Variants in PMS1 observed in about 807,000 individuals in gnomAD.
The protein encoded by PMS1 is PMS1 homolog 1, mismatch repair system component, also known as PMS1 protein homolog 1.
PMS1 carries 79 observed loss-of-function variants against 93.1 expected under a neutral mutation model. The observed-to-expected ratio is 0.85, with a 90% CI of 0.71 to 1.02. The LOEUF is 1.02. Among genes scored for constraint, PMS1 ranks in the 50% least tolerant of loss-of-function variants. PMS1 has a pLI of 0.00. For missense variants in PMS1, 1,064 were observed against 1,085.3 expected, an observed-to-expected ratio of 0.98 and a Z score of 0.28; for synonymous variants, 335 against 363.4, an observed-to-expected ratio of 0.92 and a Z score of 0.89.
intron 5 of PMS1, among the ~76,000 whole-genome samples, chr2:189,836,758 T>C (rs2053415567): frequency 1.3e-5 from 2 of 152,214 alleles, no homozygotes; most frequent in African/African-American, 2.4e-5. Context: ...GCAATAAAAA[T>C]TGCCTAGTGT....
Position 189,867,907 on chromosome 2 carries a change from T to A in PMS1, c.2451T>A (p.Gly817=), listed in dbSNP as rs1478041297. The A allele has an allele frequency of 3.7e-6, 6 of 1,611,176 alleles. No individual in the cohort carries two copies. The Admixed American group carries it at 1.0e-4, about 27-fold the overall frequency. ...YLSDPRLTAN[G]FKIKLIPGVS... ...CTGATCCTCGTCTTACAGCGAATGGTTTCAAGATAAAATTGATACCAGGTA... is the reference window on the plus strand; with the variant it reads ...CTGATCCTCGTCTTACAGCGAATGGATTCAAGATAAAATTGATACCAGGTA... The change falls in exon 11 of 13, where the codon GGT becomes GGA. Residue 817 remains glycine, a synonymous_variant. Coordinates refer to ENST00000441310, the MANE Select transcript of PMS1 (RefSeq NM_000534.5).
intron 9 of PMS1, among the ~76,000 whole-genome samples, chr2:189,860,800 A>ATTTTTTTTT (rs1158514130): frequency 4.9e-5 from 2 of 41,028 alleles, no homozygotes; most frequent in Non-Finnish European, 9.3e-5. Flanking sequence ...TCTTTGAGGA[A>ATTTTTTTTT]TTTTTTTTTT....
At chr2:189,793,195 C>T (rs925501699) in intron 2 of PMS1, among the ~76,000 whole-genome samples, 1 of 152,142 alleles carries the variant, frequency 6.6e-6, no homozygotes, top group African/African-American at 2.4e-5. Context: ...GACTAGAATC[C>T]AGGTCTTTCT....
intron 3 of PMS1, among the ~76,000 whole-genome samples, chr2:189,798,757 A>ATTTTT (rs757864750): frequency 1.5e-4 from 12 of 79,906 alleles, no homozygotes; most frequent in East Asian, 1.2e-3. Flanking sequence ...TAAGTATTTG[A>ATTTTT]TTTTTTTTTT....
intron 4 of PMS1, among the ~76,000 whole-genome samples, chr2:189,812,613 G>A (rs562817908): frequency 2.6e-5 from 4 of 152,088 alleles, no homozygotes; most frequent in African/African-American, 7.2e-5. Context: ...AAAGTAAAAC[G>A]CATGACAAAA....
intron 12 of PMS1, among the ~76,000 whole-genome samples, chr2:189,875,158 A>C (rs5743196): frequency 1.6e-3 from 240 of 151,248 alleles, no homozygotes; most frequent in African/African-American, 5.8e-3. Flanking sequence ...GAAGGAAGTA[A>C]ATTTAAGAAT....
intron 5 of PMS1, among the ~76,000 whole-genome samples, chr2:189,836,095 T>C (rs967181327): frequency 1.3e-5 from 2 of 152,238 alleles, no homozygotes; most frequent in African/African-American, 4.8e-5. Context: ...CATTGTACTA[T>C]TCACTTAACT....
intron 5 of PMS1, among the ~76,000 whole-genome samples, chr2:189,827,055 A>C (rs901644673): frequency 2.6e-5 from 4 of 152,176 alleles, no homozygotes; most frequent in Non-Finnish European, 2.9e-5. Flanking sequence ...AGTCACTGAT[A>C]CATCTTCTTT....
At chr2:189,812,946 C>T (rs2050968974) in intron 4 of PMS1, among the ~76,000 whole-genome samples, 1 of 152,132 alleles carries the variant, frequency 6.6e-6, no homozygotes, top group South Asian at 2.1e-4. Flanking sequence ...CATTATGAGC[C>T]ACTGGAATTT....
At chr2:189,827,113 G>A (rs1336344823) in intron 5 of PMS1, among the ~76,000 whole-genome samples, 2 of 152,142 alleles carry the variant, frequency 1.3e-5, no homozygotes, top group African/African-American at 4.8e-5. Context: ...GGGCAGTTGA[G>A]GGGAAACACT....
At chr2:189,876,492 T>G (rs1395663523) in intron 12 of PMS1, among the ~76,000 whole-genome samples, 1 of 152,210 alleles carries the variant, frequency 6.6e-6, no homozygotes, top group Non-Finnish European at 1.5e-5. Context: ...TTTCCTTTTC[T>G]TGTTCCTCTT....
At chr2:189,808,203 A>G (rs2050510043) in intron 4 of PMS1, among the ~76,000 whole-genome samples, 1 of 151,920 alleles carries the variant, frequency 6.6e-6, no homozygotes, top group African/African-American at 2.4e-5. Context: ...CTTAGCATTT[A>G]CTCTTCATGT....
intron 2 of PMS1, 31 bp from the exon 3 acceptor site, chr2:189,795,738 C>T (rs2049297218): frequency 6.7e-7 from 1 of 1,499,560 alleles, no homozygotes. Context: ...AATATTTTTA[C>T]ATATTAAAAG....
At chr2:189,842,216 T>C (rs542724300) in intron 5 of PMS1, among the ~76,000 whole-genome samples, 1 of 152,172 alleles carries the variant, frequency 6.6e-6, no homozygotes, top group East Asian at 1.9e-4. Flanking sequence ...TGGAAACATA[T>C]GATGACTACT....
intron 11 of PMS1, among the ~76,000 whole-genome samples, chr2:189,870,066 G>T (rs890717729): frequency 2.0e-5 from 3 of 152,092 alleles, no homozygotes; most frequent in Non-Finnish European, 4.4e-5. Context: ...GATTTGATTG[G>T]AATTAACTTT....
Position 189,846,550 on chromosome 2 carries a change from G to A in PMS1, c.699+2470G>A, listed in dbSNP as rs527546901. 8.0e-5 allele frequency among the ~76,000 whole-genome samples: 12 copies of A among 149,302 alleles called. No homozygotes were observed. In the East Asian group the frequency reaches 3.3e-3, roughly 42 times the overall value. On this transcript the variant is annotated intron_variant, in intron 6 of 12. Coordinates refer to ENST00000441310, the MANE Select transcript of PMS1 (RefSeq NM_000534.5). ...ACAAACTAGTCAAGCATGGTAGTAC[G>A]TGCCTGTAGTCCCAGCTACTTGGGA... is the stretch of plus-strand genomic sequence containing the variant.
At chr2:189,812,150 A>G (rs537985657) in intron 4 of PMS1, among the ~76,000 whole-genome samples, 1 of 152,000 alleles carries the variant, frequency 6.6e-6, no homozygotes, top group Non-Finnish European at 1.5e-5. Context: ...AAAATACGAA[A>G]ATTATCTGGG....
chr2:189,866,641 A>T (rs1422533651), intron 10 of PMS1, among the ~76,000 whole-genome samples: 3 of 152,200 alleles, frequency 2.0e-5, no homozygotes, highest in African/African-American at 7.2e-5. Context: ...AACCTTAATG[A>T]TGGCTAATAT....
Position 189,864,044 on chromosome 2 carries a change from G to A in PMS1, c.2158G>A (p.Glu720Lys). 1 of 1,612,272 alleles carries A rather than the reference G, an allele frequency of 6.2e-7. No homozygotes were observed. The highest frequency in any genetic ancestry group is 8.5e-7 in the Non-Finnish European group (1 of 1,178,524). Residue 720 changes from glutamate (E) to lysine (K), a missense_variant, in exon 10 of 13, where the codon GAG becomes AAG. By Grantham distance (56) the Glu-to-Lys change is moderately conservative (BLOSUM62 1). Transcript: ENST00000441310. ...GAAACAAAACAAAGTTGACTTAGAAGAGAAGGATGAACCTTGCTTGATCCA... is the reference window on the plus strand; with the variant it reads ...GAAACAAAACAAAGTTGACTTAGAAAAGAAGGATGAACCTTGCTTGATCCA... ...FKKQNKVDLE[E>K]KDEPCLIHNL...
Sources: allele counts gnomAD v4.1 joint callset (sites outside exome capture counted in the v4.1 genomes callset), GRCh38; gene constraint gnomAD v4.1.1; transcripts MANE v1.5; gene names NCBI Gene and HGNC (gene_info 2026-07-23, HGNC 2026-07-21).